The following ZNF431 variants were observed in gnomAD, a reference collection of about 807,000 sequenced individuals.
ZNF431 encodes the protein zinc finger protein 431.
ZNF431 carries 34 observed loss-of-function variants against 57.0 expected under a neutral mutation model. The ratio of observed to expected loss-of-function variants is 0.60; its 90% CI spans 0.45 to 0.79. The LOEUF is 0.79. Ranked by LOEUF, ZNF431 falls within the 30% of genes least tolerant of loss-of-function variation. The pLI is 0.00. For missense variants in ZNF431, 607 were observed against 667.1 expected (o/e 0.91, Z 0.99); for synonymous variants, 207 against 220.3 (o/e 0.94, Z 0.54).
chr19:21,188,355 T>C lies in ZNF431; in HGVS notation c.*4321T>C, dbSNP rs1971428763. 2 of 151,976 alleles carry C rather than the reference T, an allele frequency of 1.3e-5. No homozygotes were observed. Among genetic ancestry groups the C allele is most frequent in the Non-Finnish European group, 2.9e-5 (2 of 68,014 alleles). 9.4% of individuals were successfully genotyped at this position (151,976 alleles called of 1,614,324 possible). A position where few individuals can be genotyped will look rare whatever the true frequency, so the allele number is the denominator to read the frequency against. Reference sequence around the variant, plus strand: ...TTAAAAGAAAAATCTTACTAGATTCTTATACAAAGTGTGGCAAATATAAAA... The same window carrying C: ...TTAAAAGAAAAATCTTACTAGATTCCTATACAAAGTGTGGCAAATATAAAA... On this transcript the variant is annotated 3_prime_UTR_variant, in exon 5 of 5. Transcript: ENST00000311048.
rs201247793 is a variant in ZNF431, at chr19:21,182,542, TG to T, written c.320-80del. The T allele has an allele frequency of 1.6e-4, 223 of 1,394,678 alleles. No individual in the cohort carries two copies. In the East Asian group the frequency reaches 3.5e-3, roughly 22 times the overall value. 86.4% of individuals were successfully genotyped at this position (1,394,678 alleles called of 1,614,324 possible). A position where few individuals can be genotyped will look rare whatever the true frequency, so the allele number is the denominator to read the frequency against. On this transcript the variant is annotated intron_variant, in intron 4 of 4. Coordinates refer to ENST00000311048, the MANE Select transcript of ZNF431 (RefSeq NM_133473.4). ...ATTATGGCATCTTGTTTATGTAGTT[TG>T]TATAATGTAGGTTAGATTTGTAAAG...
chr19:21,142,194 T>A lies in ZNF431; in HGVS notation c.3+8T>A. 6.2e-7 allele frequency: 1 copy of A among 1,612,412 alleles called. No homozygotes were observed. Among genetic ancestry groups the A allele is most frequent in the Non-Finnish European group, 8.5e-7 (1 of 1,179,068 alleles). On this transcript the variant is annotated splice_region_variant and intron_variant, in intron 1 of 4. Transcript: ENST00000311048. ...CCTGAAAGCCTAGAAATGGTGAGAG[T>A]GCCGGGTCGGACATCCCGAGAGAGG...
In ZNF431 at chr19:21,193,519, C is replaced by G. The variant is rs1322227302; in HGVS notation, c.*9485C>G. ...TCCAGCCTAGGCAATGAGTGAAACT[C>G]CATCTCAAAATAAATTAATTAATAA... On this transcript the variant is annotated 3_prime_UTR_variant, in exon 5 of 5. Transcript: ENST00000311048. 6.6e-6 allele frequency: 1 copy of G among 152,138 alleles called. No homozygotes were observed. The highest frequency in any genetic ancestry group is 2.4e-5 in the African/African-American group (1 of 41,418). 9.4% of individuals were successfully genotyped at this position (152,138 alleles called of 1,614,324 possible). A position where few individuals can be genotyped will look rare whatever the true frequency, so the allele number is the denominator to read the frequency against.
intron 4 of ZNF431, among the ~76,000 whole-genome samples, chr19:21,180,052 A>T (rs1971170106): frequency 1.3e-5 from 2 of 151,734 alleles, no homozygotes; most frequent in Admixed American, 1.3e-4. Context: ...CACCCAGCTA[A>T]TTTTTTGTAT....
chr19:21,164,290 G>C (rs954265534), intron 2 of ZNF431, among the ~76,000 whole-genome samples: 1 of 152,118 alleles, frequency 6.6e-6, no homozygotes, highest in African/African-American at 2.4e-5. Context: ...GGCCCGTTCA[G>C]TTTGGGTTTG....
chr19:21,188,798 A>G lies in ZNF431; in HGVS notation c.*4764A>G, dbSNP rs1316159567. ...AGTTTACTGTGTTCACAGAGTGGCC[A>G]GTCATGGGACCATAAGCAACACCTG... On this transcript the variant is annotated 3_prime_UTR_variant, in exon 5 of 5. Transcript: ENST00000311048. The G allele has an allele frequency of 6.6e-6, 1 of 152,184 alleles. No individual in the cohort carries two copies. Among genetic ancestry groups the G allele is most frequent in the Admixed American group, 6.5e-5 (1 of 15,272 alleles). 9.4% of individuals were successfully genotyped at this position (152,184 alleles called of 1,614,324 possible). A position where few individuals can be genotyped will look rare whatever the true frequency, so the allele number is the denominator to read the frequency against.
At chr19:21,163,604 C>G (rs1970638095) in intron 2 of ZNF431, among the ~76,000 whole-genome samples, 1 of 152,176 alleles carries the variant, frequency 6.6e-6, no homozygotes, top group African/African-American at 2.4e-5. Flanking sequence ...TCACTGCAAC[C>G]TCTGCCCTCT....
At chr19:21,168,187 TTG>T (rs1463394107) in intron 4 of ZNF431, among the ~76,000 whole-genome samples, 3 of 152,188 alleles carry the variant, frequency 2.0e-5, no homozygotes, top group African/African-American at 7.2e-5. Context: ...TCCCTCTGCT[TTG>T]TTCTTTTTTC....
At chr19:21,180,038 A>G (rs1267254246) in intron 4 of ZNF431, among the ~76,000 whole-genome samples, 1 of 151,568 alleles carries the variant, frequency 6.6e-6, no homozygotes, top group Non-Finnish European at 1.5e-5. Context: ...GGCGCCCACC[A>G]CCACACCCAG....
rs534688899 is a variant in ZNF431 at position 21,174,339 on chromosome 19, C to T, written c.319+6673C>T. Reference sequence around the variant, plus strand: ...CTATTATTGCAAATGATGTCTTGATCGCCACAATTATGTTGCTATGTATTT... The same window carrying T: ...CTATTATTGCAAATGATGTCTTGATTGCCACAATTATGTTGCTATGTATTT... On this transcript the variant is annotated intron_variant, in intron 4 of 4. Coordinates refer to ENST00000311048, the MANE Select transcript of ZNF431 (RefSeq NM_133473.4). 5.9e-5 allele frequency among the ~76,000 whole-genome samples: 9 copies of T among 152,120 alleles called. No homozygotes were observed. The East Asian group carries it at 1.4e-3, about 23-fold the overall frequency.
chr19:21,168,136 C>G (rs1411075691), intron 4 of ZNF431, among the ~76,000 whole-genome samples: 3 of 151,882 alleles, frequency 2.0e-5, no homozygotes, highest in Non-Finnish European at 4.4e-5. Context: ...GTTTGTATTA[C>G]TATAGTCTTA....
intron 4 of ZNF431, 22 bp downstream of exon 4, chr19:21,167,688 C>G (rs1226841882): frequency 6.8e-7 from 1 of 1,471,338 alleles, no homozygotes; most frequent in Non-Finnish European, 9.1e-7. Context: ...TGAAAAAAAA[C>G]AGATGACACA....
Position 21,192,742 on chromosome 19 carries a change from T to C in ZNF431, c.*8708T>C, listed in dbSNP as rs192754870. On this transcript the variant is annotated 3_prime_UTR_variant, in exon 5 of 5. Coordinates refer to ENST00000311048, the MANE Select transcript of ZNF431 (RefSeq NM_133473.4). ...CAGTTTTTTTGGTTATATATGGCAT[T>C]TATTGGCTGAAGTGCATTTGTTCTA... 5.9e-5 allele frequency: 9 copies of C among 152,304 alleles called. No individual in the cohort carries two copies. The highest frequency in any genetic ancestry group is 2.2e-4 in the African/African-American group (9 of 41,558). The allele number at this position is 152,304 out of a possible 1,614,324, so 9.4% of individuals were successfully genotyped here. A position where few individuals can be genotyped will look rare whatever the true frequency, so the allele number is the denominator to read the frequency against.
chr19:21,183,637 C>T lies in ZNF431; in HGVS notation c.1334C>T (p.Ala445Val). 2 of 1,605,054 alleles carry T rather than the reference C, an allele frequency of 1.2e-6. No individual in the cohort carries two copies. The highest frequency in any genetic ancestry group is 1.7e-6 in the Non-Finnish European group (2 of 1,177,430). ...TTTAACCGGTCCCCACAACTTACTG[C>T]ACATAAGATAATTCATACTGGAGAG... ...KAFNRSPQLT[A>V]HKIIHTGEKP... The change falls in exon 5 of 5, where the codon GCA becomes GTA. Residue 445 changes from alanine to valine, a missense_variant. Ala to Val is a moderately conservative substitution (Grantham distance 64). Transcript: ENST00000311048.
rs1245014047 is a variant in ZNF431 at position 21,187,041 on chromosome 19, T to C, written c.*3007T>C. The stretch of plus-strand genomic sequence containing the variant: ...ATATATTACAGTTTTCACTGTGTAA[T>C]AGATTATCCATAATAATTCATAAAT... On this transcript the variant is annotated 3_prime_UTR_variant, in exon 5 of 5. Coordinates refer to ENST00000311048, the MANE Select transcript of ZNF431 (RefSeq NM_133473.4). 1.3e-5 allele frequency: 2 copies of C among 152,194 alleles called. No individual in the cohort carries two copies. Among genetic ancestry groups the C allele is most frequent in the Non-Finnish European group, 2.9e-5 (2 of 68,032 alleles). The allele number at this position is 152,194 out of a possible 1,614,324, so 9.4% of individuals were successfully genotyped here.
intron 3 of ZNF431, among the ~76,000 whole-genome samples, chr19:21,167,164 CTT>C (rs781098845): frequency 7.0e-5 from 10 of 142,384 alleles, no homozygotes; most frequent in Non-Finnish European, 1.1e-4. Flanking sequence ...GGCTAAAACA[CTT>C]TTTTTTTTTT....
rs1309469248 is a variant in ZNF431, at chr19:21,167,616, A to C, written c.269A>C (p.Glu90Ala). The C allele has an allele frequency of 2.5e-6, 4 of 1,589,708 alleles. No individual in the cohort carries two copies. The Admixed American group carries it at 5.2e-5, about 21-fold the overall frequency. Residue 90 changes from glutamate to alanine, a missense_variant, in exon 4 of 5, where the codon GAA (glutamate) becomes GCA (alanine). Coordinates refer to ENST00000311048, the MANE Select transcript of ZNF431 (RefSeq NM_133473.4). Reference sequence around the variant, plus strand: ...GACCCAGTCACCTGTCTGGAGCAAGAAAAAGAGCCCTGGAATATGAAGAGA... The same window carrying C: ...GACCCAGTCACCTGTCTGGAGCAAGCAAAAGAGCCCTGGAATATGAAGAGA... Reference protein sequence around the residue: ...KQDPVTCLEQEKEPWNMKRHE... With the variant: ...KQDPVTCLEQAKEPWNMKRHE...
intron 4 of ZNF431, among the ~76,000 whole-genome samples, chr19:21,178,989 A>G (rs1733097626): frequency 6.6e-6 from 1 of 152,024 alleles, no homozygotes. Flanking sequence ...TCAGCTATAA[A>G]TTTATCTGAT....
In ZNF431 at chr19:21,194,045, T is replaced by A. The variant is rs1971559556; in HGVS notation, c.*10011T>A. ...TAACAAAATGAAAAAATAAATGGCA[T>A]CCAAATAGGAAAAGAAGAAGTGAAA... On this transcript the variant is annotated 3_prime_UTR_variant, in exon 5 of 5. Coordinates refer to ENST00000311048, the MANE Select transcript of ZNF431 (RefSeq NM_133473.4). The A allele has an allele frequency of 6.6e-6, 1 of 152,110 alleles. No individual in the cohort carries two copies. The highest frequency in any genetic ancestry group is 6.6e-5 in the Admixed American group (1 of 15,266). The allele number at this position is 152,110 out of a possible 1,614,324, so 9.4% of individuals were successfully genotyped here. A position where few individuals can be genotyped will look rare whatever the true frequency, so the allele number is the denominator to read the frequency against.
Sources: gnomAD v4.1 joint callset for allele counts (sites outside exome capture counted in the v4.1 genomes callset) on GRCh38, gnomAD v4.1.1 for gene constraint, MANE v1.5 for transcripts, NCBI Gene and HGNC (gene_info 2026-07-23, HGNC 2026-07-21) for gene names.